OSTF1: variants seen among roughly 807,000 people sequenced by gnomAD.
The protein encoded by OSTF1 is osteoclast stimulating factor 1, also known as osteoclast-stimulating factor 1.
A neutral mutation model predicts 37.2 loss-of-function variants in OSTF1; 27 were observed. The observed-to-expected ratio is 0.73, with a 90% CI of 0.54 to 1.00. OSTF1 has a LOEUF of 1.00. Among genes scored for constraint, OSTF1 ranks in the 50% least tolerant of loss-of-function variants. The pLI is 0.00. For missense variants in OSTF1, 232 were observed against 253.8 expected, an observed-to-expected ratio of 0.91 and a Z score of 0.58; for synonymous variants, 82 against 89.2, an observed-to-expected ratio of 0.92 and a Z score of 0.46.
intron 1 of OSTF1, among the ~76,000 whole-genome samples, chr9:75,116,605 CTTTTTT>C (rs75110694): frequency 8.1e-6 from 1 of 122,876 alleles, no homozygotes; most frequent in East Asian, 2.4e-4. Context: ...CCAATGGGTC[CTTTTTT>C]TTTTTTTTTT....
At chr9:75,124,080 C>CT (rs1357925399) in intron 2 of OSTF1, among the ~76,000 whole-genome samples, 4 of 152,178 alleles carry the variant, frequency 2.6e-5, no homozygotes, top group African/African-American at 7.2e-5. Context: ...GGCTTTATTA[C>CT]TTTTTTTAAA....
intron 1 of OSTF1, among the ~76,000 whole-genome samples, chr9:75,097,516 A>C (rs1307267996): frequency 1.3e-5 from 2 of 152,214 alleles, no homozygotes; most frequent in African/African-American, 4.8e-5. Flanking sequence ...CTGAGTTATA[A>C]TCAAGTTTAC....
intron 1 of OSTF1, among the ~76,000 whole-genome samples, chr9:75,101,151 A>T (rs17703394): frequency 0.045 from 6,757 of 151,802 alleles, 218 homozygotes; most frequent in Middle Eastern, 0.078. Context: ...AACAATCTCG[A>T]CTCTCAGGAC....
At chr9:75,115,282 C>A (rs17703619) in intron 1 of OSTF1, among the ~76,000 whole-genome samples, 3,115 of 152,084 alleles carry the variant, frequency 0.02, 45 homozygotes, top group Middle Eastern at 0.051. Context: ...TGCAACTGAG[C>A]TTTTATTTAT....
At chr9:75,096,144 G>A (rs1480225167) in intron 1 of OSTF1, among the ~76,000 whole-genome samples, 6 of 152,132 alleles carry the variant, frequency 3.9e-5, no homozygotes, top group South Asian at 2.1e-4. Flanking sequence ...CACCCGCCTC[G>A]GCCTCCCAAA....
At chr9:75,107,555 A>G (rs1002401093) in intron 1 of OSTF1, among the ~76,000 whole-genome samples, 9 of 152,220 alleles carry the variant, frequency 5.9e-5, no homozygotes, top group African/African-American at 2.2e-4. Context: ...ATACTTGCTG[A>G]GATCCACAAA....
intron 2 of OSTF1, among the ~76,000 whole-genome samples, chr9:75,118,172 A>C (rs1303286513): frequency 6.6e-6 from 1 of 152,220 alleles, no homozygotes; most frequent in Admixed American, 6.5e-5. Flanking sequence ...GAGAAAAATA[A>C]GGAGGGTTAG....
intron 1 of OSTF1, among the ~76,000 whole-genome samples, chr9:75,095,982 C>A (rs868621811): frequency 6.6e-6 from 1 of 151,996 alleles, no homozygotes. Flanking sequence ...ACCTCCGCCT[C>A]CCGGGTTCAC....
intron 1 of OSTF1, among the ~76,000 whole-genome samples, chr9:75,108,550 AATT>A (rs2118463037): frequency 6.6e-6 from 1 of 152,264 alleles, no homozygotes; most frequent in Admixed American, 6.5e-5. Flanking sequence ...TAAGTATGAA[AATT>A]ATTATATAAA....
intron 1 of OSTF1, among the ~76,000 whole-genome samples, chr9:75,100,660 G>A (rs563370208): frequency 6.6e-6 from 1 of 152,054 alleles, no homozygotes; most frequent in South Asian, 2.1e-4. Context: ...GAACCTGGGA[G>A]GCGGATGTTG....
chr9:75,132,236 G>A (rs151255532), intron 5 of OSTF1, among the ~76,000 whole-genome samples: 2 of 152,320 alleles, frequency 1.3e-5, no homozygotes, highest in African/African-American at 4.8e-5. Flanking sequence ...GCAAGAGAAT[G>A]GAAGGGTCTG....
intron 1 of OSTF1, among the ~76,000 whole-genome samples, chr9:75,089,066 A>G (rs748969036): frequency 6.6e-6 from 1 of 152,086 alleles, no homozygotes; most frequent in Non-Finnish European, 1.5e-5. Context: ...ATCTCCCTTT[A>G]AAAAATGTCA....
intron 1 of OSTF1, among the ~76,000 whole-genome samples, chr9:75,115,326 C>T (rs758198832): frequency 1.4e-4 from 21 of 152,026 alleles, no homozygotes; most frequent in Non-Finnish European, 7.4e-5. Context: ...GAGTCTTGCT[C>T]TGTTGCCCAG....
intron 1 of OSTF1, among the ~76,000 whole-genome samples, chr9:75,110,585 A>G (rs1196303162): frequency 1.3e-5 from 2 of 152,182 alleles, no homozygotes; most frequent in African/African-American, 4.8e-5. Context: ...ACTTCTTAAC[A>G]TTCTTAAAAA....
chr9:75,129,715 C>A (rs1023690950), intron 3 of OSTF1, among the ~76,000 whole-genome samples: 2 of 152,142 alleles, frequency 1.3e-5, no homozygotes, highest in East Asian at 1.9e-4. Flanking sequence ...AACAAACCAA[C>A]TGGATTCTTC....
intron 1 of OSTF1, among the ~76,000 whole-genome samples, chr9:75,091,748 G>C (rs780097082): frequency 2.0e-5 from 3 of 152,172 alleles, no homozygotes; most frequent in Non-Finnish European, 2.9e-5. Flanking sequence ...TAGAGGAAGG[G>C]AAGAATAGTA....
chr9:75,109,592 A>G (rs1391304913), intron 1 of OSTF1, among the ~76,000 whole-genome samples: 1 of 152,250 alleles, frequency 6.6e-6, no homozygotes, highest in African/African-American at 2.4e-5. Flanking sequence ...CTAATAGGTC[A>G]TGACCTTCAG....
At chr9:75,134,599 T>C (rs1171493946) in intron 7 of OSTF1, among the ~76,000 whole-genome samples, 3 of 152,238 alleles carry the variant, frequency 2.0e-5, no homozygotes, top group Non-Finnish European at 2.9e-5. Flanking sequence ...CTTTTAGCTC[T>C]TTCTTCCTGT....
intron 1 of OSTF1, among the ~76,000 whole-genome samples, chr9:75,116,445 A>G (rs1028500897): frequency 6.6e-6 from 1 of 152,168 alleles, no homozygotes; most frequent in Non-Finnish European, 1.5e-5. Context: ...GACAGGTAGC[A>G]AATCAGTGAT....
Sources: allele counts gnomAD v4.1 joint callset (sites outside exome capture counted in the v4.1 genomes callset), GRCh38; gene constraint gnomAD v4.1.1; transcripts MANE v1.5; gene names NCBI Gene and HGNC (gene_info 2026-07-23, HGNC 2026-07-21).